LONRF3: variants seen among roughly 807,000 people sequenced by gnomAD.
The protein encoded by LONRF3 is LON peptidase N-terminal domain and RING finger protein 3.
Under a neutral mutation model 51.7 loss-of-function variants are expected in LONRF3, and 19 were observed. The observed-to-expected ratio is 0.37, with a 90% CI of 0.26 to 0.54. The LOEUF (loss-of-function observed/expected upper bound fraction) is 0.54. Ranked by LOEUF, LONRF3 falls within the 20% of genes least tolerant of loss-of-function variation. The probability of loss-of-function intolerance (pLI) is 0.86; values close to 1 mark genes in which losing one functional copy is unlikely to be tolerated. For synonymous variants in LONRF3, 265 were observed against 257.8 expected (o/e 1.03, Z -0.27); for missense variants, 521 against 623.9 (o/e 0.84, Z 1.76).
At chrX:118,993,091 G>T (rs2147282779) in intron 5 of LONRF3, among the ~76,000 whole-genome samples, 1 of 101,988 alleles carries the variant, frequency 9.8e-6, no homozygotes, top group South Asian at 4.8e-4. Context: ...ACCAACCGTG[G>T]TAATATGACA....
chrX:118,996,674 G>A (rs1337303750), intron 5 of LONRF3, among the ~76,000 whole-genome samples: 1 of 111,538 alleles, frequency 9.0e-6, no homozygotes, highest in Non-Finnish European at 1.9e-5. Flanking sequence ...TGTAATCCCA[G>A]CACTTTGGGA....
intron 3 of LONRF3, 120 bp downstream of exon 3, chrX:118,983,063 C>A: frequency 1.3e-6 from 1 of 775,160 alleles, no homozygotes. Context: ...GGGTGGTTCC[C>A]TGGGTTAAGG....
rs187273456 is a variant in LONRF3, at chrX:118,983,546, G to T, written c.1059+603G>T. 8.5e-3 allele frequency among the ~76,000 whole-genome samples: 961 copies of T among 112,600 alleles called. 4 individuals are homozygous for T. The highest frequency in any genetic ancestry group is 0.015 in the Non-Finnish European group (779 of 53,322). On this transcript the variant is annotated intron_variant, in intron 3 of 10. Coordinates refer to ENST00000371628, the MANE Select transcript of LONRF3 (RefSeq NM_001031855.3). ...CAACTCTTGGGTCCCAGCAGAATGT[G>T]GTAGTTATAAAAGAAAAATGGTGTG...
intron 1 of LONRF3, among the ~76,000 whole-genome samples, chrX:118,977,740 G>A (rs1047324198): frequency 8.9e-6 from 1 of 111,987 alleles, no homozygotes; most frequent in African/African-American, 3.2e-5. Context: ...GGTGAGAGCC[G>A]GCCTCACCTT....
rs749277044 is a variant in LONRF3 at position 118,987,952 on chromosome X, A to G, written c.1060-1456A>G. Among the ~76,000 whole-genome samples the G allele has an allele frequency of 8.0e-5, 9 of 112,088 alleles. No individual in the cohort carries two copies. The East Asian group carries it at 1.1e-3, about 14-fold the overall frequency. On this transcript the variant is annotated intron_variant, in intron 3 of 10. Transcript: ENST00000371628. ...TGTACCTTTCTTTGAAAACCAGGAA[A>G]CAGAACACAAGAGAGATGGGTTCCA... is the stretch of plus-strand genomic sequence containing the variant.
chrX:118,985,747 G>A (rs1398453762), intron 3 of LONRF3, among the ~76,000 whole-genome samples: 1 of 111,451 alleles, frequency 9.0e-6, no homozygotes, highest in Non-Finnish European at 1.9e-5. Context: ...GAATAGTGAG[G>A]GAAGGTAGCA....
intron 2 of LONRF3, among the ~76,000 whole-genome samples, chrX:118,979,282 C>A (rs1975779): frequency 0.011 from 1,148 of 108,326 alleles, 31 homozygotes; most frequent in East Asian, 0.11. Context: ...GGATTACAGG[C>A]GTGAGCCACC....
chrX:119,017,540 C>T lies in LONRF3; in HGVS notation c.2130C>T (p.Asn710=), dbSNP rs1019350197. ...ATTGTGTTTCTCTGTTGCAGATGAA[C>T]CCGAATGGCCCAGCCTGGTGCTGGT... The part of the protein sequence containing the change: ...MPEKDADPQM[N]PNGPAWCWWM... Residue 710 remains asparagine (N), a synonymous_variant, in exon 11 of 11, where the codon AAC becomes AAT. Transcript: ENST00000371628. The T allele has an allele frequency of 8.3e-7, 1 of 1,205,747 alleles. No individual in the cohort carries two copies. Among genetic ancestry groups the T allele is most frequent in the African/African-American group, 1.8e-5 (1 of 57,066 alleles).
At chrX:119,002,594 A>G (rs1045145292) in intron 5 of LONRF3, among the ~76,000 whole-genome samples, 5 of 111,127 alleles carry the variant, frequency 4.5e-5, no homozygotes, top group African/African-American at 1.6e-4. Flanking sequence ...CATTGTTTAC[A>G]TCTGCTGGTG....
At chrX:118,986,841 G>T (rs922593801) in intron 3 of LONRF3, 47 of 898,073 alleles carry the variant, frequency 5.2e-5, no homozygotes, top group Non-Finnish European at 5.8e-5. Flanking sequence ...CTGCAAGCTG[G>T]CTCCCTCCCC....
At position 118,990,490 on chromosome X, in the gene LONRF3, G is replaced by T; in HGVS notation, c.1345G>T (p.Asp449Tyr). 1 of 1,210,709 alleles carries T rather than the reference G, an allele frequency of 8.3e-7. No individual in the cohort carries two copies. The highest frequency in any genetic ancestry group is 1.1e-6 in the Non-Finnish European group (1 of 894,551). ...CGCAGATCCTCCCACTGATCAGGGG[G>T]ACAAACCTGCTCTCAGTTTACCACT... ...SKQDPPTDQGDKPALSLPLAS... is the reference protein window; with the variant it reads ...SKQDPPTDQGYKPALSLPLAS... Residue 449 changes from aspartate (D) to tyrosine (Y), a missense_variant, in exon 5 of 11, where the codon GAC (aspartate) becomes TAC (tyrosine). Asp to Tyr is a radical substitution (Grantham distance 160). Coordinates refer to ENST00000371628, the MANE Select transcript of LONRF3 (RefSeq NM_001031855.3).
At chrX:118,986,057 C>CAA (rs1474838528) in intron 3 of LONRF3, among the ~76,000 whole-genome samples, 43 of 9,990 alleles carry the variant, frequency 4.3e-3, no homozygotes, top group African/African-American at 0.013. Flanking sequence ...TGGAAACACA[C>CAA]ACACACACAC....
intron 5 of LONRF3, among the ~76,000 whole-genome samples, chrX:119,004,278 C>A (rs1924550497): frequency 8.9e-6 from 1 of 111,738 alleles, no homozygotes; most frequent in South Asian, 3.7e-4. Flanking sequence ...TCATAAAATT[C>A]AAAAAGTACC....
intron 1 of LONRF3, among the ~76,000 whole-genome samples, chrX:118,977,286 C>T (rs1922160571): frequency 9.0e-6 from 1 of 111,120 alleles, no homozygotes; most frequent in African/African-American, 3.3e-5. Flanking sequence ...ATCTCTAAGG[C>T]AGATTCCATA....
chrX:118,981,219 T>C, intron 2 of LONRF3, among the ~76,000 whole-genome samples: 1 of 110,488 alleles, frequency 9.1e-6, no homozygotes, highest in Non-Finnish European at 1.9e-5. Context: ...GCATGGTGGC[T>C]TACTCCTGTA....
intron 2 of LONRF3, among the ~76,000 whole-genome samples, chrX:118,979,072 C>T (rs1922337637): frequency 2.0e-5 from 2 of 99,685 alleles, no homozygotes; most frequent in African/African-American, 7.6e-5. Context: ...GCAATCTCGG[C>T]TCACTGCAAC....
At chrX:118,990,235 G>C (rs1923322352) in intron 4 of LONRF3, among the ~76,000 whole-genome samples, 1 of 111,798 alleles carries the variant, frequency 8.9e-6, no homozygotes, top group Non-Finnish European at 1.9e-5. Context: ...AGTCCCCAGG[G>C]CTCCTGGACA....
rs1411766626 is a variant in LONRF3 at position 118,993,120 on chromosome X, A to AC, written c.1415+2569dup. On this transcript the variant is annotated intron_variant, in intron 5 of 10. Transcript: ENST00000371628. ...TATGACAAAACAAGGTTATTCTAAC[A>AC]CCCCCCCCCAAAAACCACACTAGTT... 3.8e-3 allele frequency among the ~76,000 whole-genome samples: 272 copies of AC among 71,821 alleles called. 2 individuals are homozygous for AC. Among genetic ancestry groups the AC allele is most frequent in the African/African-American group, 0.012 (150 of 12,966 alleles). The allele number at this position is 71,821 out of a possible 115,157, so 62.4% of individuals were successfully genotyped here.
intron 5 of LONRF3, among the ~76,000 whole-genome samples, chrX:118,998,685 AT>A (rs1386627258): frequency 8.9e-6 from 1 of 112,661 alleles, no homozygotes; most frequent in Non-Finnish European, 1.9e-5. Context: ...TATTTATTTC[AT>A]TTTTAAAAAT....
Sources: gnomAD v4.1 joint callset for allele counts (sites outside exome capture counted in the v4.1 genomes callset) on GRCh38, gnomAD v4.1.1 for gene constraint, MANE v1.5 for transcripts, NCBI Gene and HGNC (gene_info 2026-07-23, HGNC 2026-07-21) for gene names.